The following EIF4E variants were observed in gnomAD, a reference collection of about 807,000 sequenced individuals.
The protein encoded by EIF4E is eIF-4F 25 kDa subunit.
For missense variants in EIF4E, 113 were observed against 265.6 expected, an observed-to-expected ratio of 0.43 and a Z score of 3.99; for synonymous variants, 71 against 88.5, an observed-to-expected ratio of 0.80 and a Z score of 1.11.
intron 1 of EIF4E, among the ~76,000 whole-genome samples, chr4:98,905,589 G>GT (rs1724838321): frequency 6.6e-6 from 1 of 152,164 alleles, no homozygotes. Context: ...TGGGGGCAAT[G>GT]AAAGCCATTA....
intron 1 of EIF4E, among the ~76,000 whole-genome samples, chr4:98,915,545 C>CTTTTTTTTTTTTT (rs879404692): frequency 6.2e-5 from 9 of 144,434 alleles, no homozygotes; most frequent in African/African-American, 2.3e-4. Flanking sequence ...TTGTAAATTA[C>CTTTTTTTTTTTTT]TTTTTTTTTT....
chr4:98,911,376 G>A (rs1486108442), intron 1 of EIF4E, among the ~76,000 whole-genome samples: 1 of 148,458 alleles, frequency 6.7e-6, no homozygotes, highest in Non-Finnish European at 1.5e-5. Context: ...AGAGTTGTAG[G>A]AGGCTGGGAA....
chr4:98,915,966 G>A (rs1439404524), intron 1 of EIF4E, among the ~76,000 whole-genome samples: 5 of 151,104 alleles, frequency 3.3e-5, no homozygotes, highest in Non-Finnish European at 5.9e-5. Flanking sequence ...CGAGGCGGGC[G>A]GATCACTTGA....
chr4:98,890,905 G>A, intron 3 of EIF4E: 2 of 346,684 alleles, frequency 5.8e-6, no homozygotes, highest in South Asian at 3.1e-5. Context: ...ACAACGCACT[G>A]CAATACCCAG....
At chr4:98,894,030 T>C (rs1461775933) in intron 2 of EIF4E, among the ~76,000 whole-genome samples, 2 of 152,252 alleles carry the variant, frequency 1.3e-5, no homozygotes, top group Admixed American at 1.3e-4. Flanking sequence ...CTTGGGCGAC[T>C]AGGCGCATCA....
intron 1 of EIF4E, among the ~76,000 whole-genome samples, chr4:98,909,183 T>C (rs1362020976): frequency 6.6e-6 from 1 of 152,192 alleles, no homozygotes; most frequent in East Asian, 1.9e-4. Flanking sequence ...AGCAACTATA[T>C]AGTGAGTTTG....
chr4:98,898,083 T>C (rs1325113542), intron 2 of EIF4E, among the ~76,000 whole-genome samples: 1 of 152,170 alleles, frequency 6.6e-6, no homozygotes, highest in South Asian at 2.1e-4. Flanking sequence ...CTAAGAAACC[T>C]AGTATCTCTT....
intron 1 of EIF4E, among the ~76,000 whole-genome samples, chr4:98,922,850 CTTTTT>C (rs112293850): frequency 7.3e-6 from 1 of 136,702 alleles, no homozygotes; most frequent in East Asian, 2.2e-4. Context: ...TTTCTTTTTT[CTTTTT>C]TTTTTTTTTT....
chr4:98,905,523 T>C (rs980992248), intron 1 of EIF4E, among the ~76,000 whole-genome samples: 2 of 152,060 alleles, frequency 1.3e-5, no homozygotes, highest in African/African-American at 4.8e-5. Flanking sequence ...GAATGGTAGG[T>C]TGGAGTGAGA....
chr4:98,889,413 T>C (rs564138169), intron 3 of EIF4E, among the ~76,000 whole-genome samples: 1 of 152,326 alleles, frequency 6.6e-6, no homozygotes, highest in Non-Finnish European at 1.5e-5. Flanking sequence ...TGACCTTCAA[T>C]AAAATACTTT....
rs543621427 is a variant in EIF4E at position 98,906,193 on chromosome 4, TACTC to T, written c.19-4215_19-4212del. 2.6e-3 allele frequency among the ~76,000 whole-genome samples: 396 copies of T among 152,316 alleles called. 1 individual carries two copies. Among genetic ancestry groups the T allele is most frequent in the African/African-American group, 8.2e-3 (340 of 41,564 alleles). ...TACCTTCATTCAACAAATATCTACT[TACTC>T]ACAGGAACTTCCAAAAAATTTTTTT... is the stretch of plus-strand genomic sequence containing the variant. On this transcript the variant is annotated intron_variant, in intron 1 of 6. Coordinates refer to ENST00000450253, the MANE Select transcript of EIF4E (RefSeq NM_001968.5).
chr4:98,916,716 T>C (rs1450360172), intron 1 of EIF4E, among the ~76,000 whole-genome samples: 1 of 152,170 alleles, frequency 6.6e-6, no homozygotes, highest in Non-Finnish European at 1.5e-5. Context: ...AAACTTGACT[T>C]CAGAATCCTG....
chr4:98,926,192 A>C (rs1027895455), intron 1 of EIF4E: 2 of 151,712 alleles, frequency 1.3e-5, no homozygotes, highest in African/African-American at 4.8e-5. Flanking sequence ...AACTATTTAA[A>C]ACTGTCAAAA....
At chr4:98,914,216 C>T (rs1302401871) in intron 1 of EIF4E, among the ~76,000 whole-genome samples, 20 of 151,424 alleles carry the variant, frequency 1.3e-4, no homozygotes, top group Non-Finnish European at 2.9e-4. Flanking sequence ...ATTAGCCAGG[C>T]GTGGTGGCGC....
At chr4:98,925,833 G>A (rs912038299) in intron 1 of EIF4E, 1 of 151,704 alleles carries the variant, frequency 6.6e-6, no homozygotes, top group East Asian at 1.9e-4. Context: ...CTTCAGCAGG[G>A]GTATCTCAAG....
chr4:98,912,994 G>A (rs1725219000), intron 1 of EIF4E, among the ~76,000 whole-genome samples: 1 of 152,068 alleles, frequency 6.6e-6, no homozygotes, highest in Non-Finnish European at 1.5e-5. Context: ...ATCACCTGAG[G>A]TCAGGTGTTC....
intron 5 of EIF4E, among the ~76,000 whole-genome samples, chr4:98,885,765 G>A (rs998696722): frequency 2.6e-5 from 4 of 152,060 alleles, no homozygotes; most frequent in Non-Finnish European, 5.9e-5. Context: ...CTTAATTGTG[G>A]TAAAATACAA....
At chr4:98,916,514 C>T (rs1259295825) in intron 1 of EIF4E, among the ~76,000 whole-genome samples, 1 of 151,898 alleles carries the variant, frequency 6.6e-6, no homozygotes, top group Non-Finnish European at 1.5e-5. Flanking sequence ...TTAAAAATGC[C>T]CAATGAGTAC....
intron 1 of EIF4E, among the ~76,000 whole-genome samples, chr4:98,915,714 G>A (rs1401852360): frequency 6.6e-6 from 1 of 151,176 alleles, no homozygotes; most frequent in African/African-American, 2.4e-5. Context: ...CTAATTTTTT[G>A]TATTTTTAGT....
Sources: allele counts gnomAD v4.1 joint callset (sites outside exome capture counted in the v4.1 genomes callset), GRCh38; gene constraint gnomAD v4.1.1; transcripts MANE v1.5; gene names NCBI Gene and HGNC (gene_info 2026-07-23, HGNC 2026-07-21).